MYH15: variants seen among roughly 807,000 people sequenced by gnomAD.
MYH15 encodes myosin heavy chain 15.
MYH15 carries 227 observed loss-of-function variants against 240.5 expected under a neutral mutation model. The observed-to-expected ratio is 0.94, with a 90% CI of 0.85 to 1.05. The LOEUF (loss-of-function observed/expected upper bound fraction) is 1.05, where lower values mean the gene tolerates loss of function less well. Ranked by LOEUF, MYH15 falls within the 50% of genes least tolerant of loss-of-function variation. The pLI is 0.00. For synonymous variants in MYH15, 785 were observed against 796.7 expected (o/e 0.99, Z 0.25); for missense variants, 2,217 against 2,247.5 (o/e 0.99, Z 0.27).
intron 25 of MYH15, among the ~76,000 whole-genome samples, chr3:108,433,669 G>C (rs968752749): frequency 6.6e-6 from 1 of 151,962 alleles, no homozygotes; most frequent in African/African-American, 2.4e-5. Flanking sequence ...GGTTTTATAA[G>C]GAGGAGTCCC....
chr3:108,513,593 T>C (rs754382143), upstream of MYH15, among the ~76,000 whole-genome samples: 1 of 152,138 alleles, frequency 6.6e-6, no homozygotes, highest in Non-Finnish European at 1.5e-5. Flanking sequence ...CTATTTTTTC[T>C]TACTGGGATT....
chr3:108,470,852 A>G lies in MYH15; in HGVS notation c.1234-5T>C. The G allele has an allele frequency of 6.2e-7, 1 of 1,612,836 alleles. No individual in the cohort carries two copies. The highest frequency in any genetic ancestry group is 8.5e-7 in the Non-Finnish European group (1 of 1,179,216). On this transcript the variant is annotated splice_polypyrimidine_tract_variant and splice_region_variant and intron_variant, in intron 12 of 40. Transcript: ENST00000693548. Reference sequence around the variant, plus strand: ...GGCACCGACAGCACAGGTTACCTAGAAATCACATTGAAAACACTCCTTCAT... The same window carrying G: ...GGCACCGACAGCACAGGTTACCTAGGAATCACATTGAAAACACTCCTTCAT...
In MYH15 at chr3:108,414,353, C is replaced by T; in HGVS notation, c.4024G>A (p.Glu1342Lys). 1 of 1,614,206 alleles carries T rather than the reference C, an allele frequency of 6.2e-7. No homozygotes were observed. The highest frequency in any genetic ancestry group is 8.5e-7 in the Non-Finnish European group (1 of 1,180,038). ...CDLLREQYEE[E>K]QEVKAELHRT... The stretch of plus-strand genomic sequence containing the variant: ...TGCAGCTCAGCCTTGACCTCTTGTT[C>T]TTCCTCATACTGCTCTCGTAGAAGG... Residue 1342 changes from glutamate to lysine, a missense_variant, in exon 30 of 41, where the codon GAA (glutamate) becomes AAA (lysine). Glu to Lys is a moderately conservative substitution (Grantham distance 56). Coordinates refer to ENST00000693548, the MANE Select transcript of MYH15 (RefSeq NM_014981.3).
chr3:108,463,360 G>C, intron 15 of MYH15, 117 bp from the exon 16 acceptor site: 1 of 1,133,084 alleles, frequency 8.8e-7, no homozygotes, highest in South Asian at 1.6e-5. Context: ...TGTTATCCAG[G>C]CTAGAATGCA....
chr3:108,434,767 G>T (rs2082817448), intron 25 of MYH15, among the ~76,000 whole-genome samples: 1 of 152,044 alleles, frequency 6.6e-6, no homozygotes, highest in Non-Finnish European at 1.5e-5. Context: ...CTCTAGAGTG[G>T]ACACTGAGCA....
chr3:108,550,477 G>A, the MYH15 span: 1 of 151,196 alleles, frequency 6.6e-6, no homozygotes, highest in Non-Finnish European at 1.5e-5. Flanking sequence ...AATTCTACAA[G>A]TTCTTAGATT....
intron 1 of MYH15, among the ~76,000 whole-genome samples, chr3:108,524,871 G>C (rs954617314): frequency 6.6e-6 from 1 of 151,916 alleles, no homozygotes; most frequent in Admixed American, 6.6e-5. Flanking sequence ...TCATTCCCCA[G>C]GTCAAGGCAT....
chr3:108,529,296 T>C (rs753518617), exon 1 of MYH15: 2 of 1,581,518 alleles, frequency 1.3e-6, no homozygotes, highest in Non-Finnish European at 1.7e-6. Flanking sequence ...GTAAATACAA[T>C]TAAAATGATC....
intron 25 of MYH15, among the ~76,000 whole-genome samples, chr3:108,434,951 G>A (rs80231869): frequency 0.013 from 1,927 of 152,130 alleles, 18 homozygotes; most frequent in Middle Eastern, 0.02. Context: ...GAATGCCCTC[G>A]TTTACTAGTA....
At chr3:108,519,674 C>T (rs1213700651) in intron 1 of MYH15, among the ~76,000 whole-genome samples, 3 of 152,100 alleles carry the variant, frequency 2.0e-5, no homozygotes, top group East Asian at 1.9e-4. Flanking sequence ...CCACAGTCAA[C>T]GGAATAAAGA....
intron 9 of MYH15, among the ~76,000 whole-genome samples, chr3:108,488,619 C>CT (rs2083323186): frequency 6.6e-6 from 1 of 152,138 alleles, no homozygotes; most frequent in Non-Finnish European, 1.5e-5. Context: ...AGATTTCCTT[C>CT]TTTTTTTAAA....
At position 108,487,625 on chromosome 3, in the gene MYH15, T is replaced by C. The variant is rs138638190; in HGVS notation, c.872-1099A>G. On this transcript the variant is annotated intron_variant, in intron 9 of 40. Transcript: ENST00000693548. ...TTAGTGGTTACTTAGGGACTGGGGCTGGGAAAGGAGGGCTCCAATGAGTGA... is the reference window on the plus strand; with the variant it reads ...TTAGTGGTTACTTAGGGACTGGGGCCGGGAAAGGAGGGCTCCAATGAGTGA... 6.9e-4 allele frequency among the ~76,000 whole-genome samples: 105 copies of C among 152,188 alleles called. 1 individual carries two copies. Among genetic ancestry groups the C allele is most frequent in the African/African-American group, 2.3e-3 (97 of 41,508 alleles).
intron 27 of MYH15, among the ~76,000 whole-genome samples, 190 bp from the exon 28 acceptor site, chr3:108,421,404 A>C (rs1428475432): frequency 6.6e-6 from 1 of 152,230 alleles, no homozygotes; most frequent in Non-Finnish European, 1.5e-5. Flanking sequence ...CTGGACCCCA[A>C]GAGGCCTAAA....
Position 108,485,072 on chromosome 3 carries a change from T to A in MYH15, c.1114+19A>T. On this transcript the variant is annotated intron_variant, in intron 11 of 40. Coordinates refer to ENST00000693548, the MANE Select transcript of MYH15 (RefSeq NM_014981.3). Reference sequence around the variant, plus strand: ...CCAGAGATTTGAAGTATATACCATATCTTCAAAGTAATTCTTACTTTCTGT... The same window carrying A: ...CCAGAGATTTGAAGTATATACCATAACTTCAAAGTAATTCTTACTTTCTGT... 6.2e-7 allele frequency: 1 copy of A among 1,612,574 alleles called. No individual in the cohort carries two copies. The highest frequency in any genetic ancestry group is 8.5e-7 in the Non-Finnish European group (1 of 1,178,932).
At position 108,405,673 on chromosome 3, in the gene MYH15, C is replaced by CT. The variant is rs571792645; in HGVS notation, c.4621-221dup. Among the ~76,000 whole-genome samples, 67 of 152,288 alleles carry CT rather than the reference C, an allele frequency of 4.4e-4. No homozygotes were observed. The Middle Eastern group carries it at 0.01, about 23-fold the overall frequency. ...ACATTCTTAGGTCTTTCAGCTGTAG[C>CT]TCCAGAACTAGAATTTTAAAGCCTA... On this transcript the variant is annotated intron_variant, in intron 32 of 40. Coordinates refer to ENST00000693548, the MANE Select transcript of MYH15 (RefSeq NM_014981.3).
At chr3:108,455,588 G>T in intron 20 of MYH15, 148 bp downstream of exon 20, 1 of 930,032 alleles carries the variant, frequency 1.1e-6, no homozygotes, top group Non-Finnish European at 1.6e-6. Context: ...CAGCACCGAA[G>T]TTTTCACCTT....
At chr3:108,408,236 G>T in intron 32 of MYH15, 44 bp downstream of exon 32, 2 of 1,583,450 alleles carry the variant, frequency 1.3e-6, no homozygotes, top group African/African-American at 2.7e-5. Flanking sequence ...CAGATCTTCT[G>T]CCTTGTCACA....
intron 13 of MYH15, 103 bp downstream of exon 13, chr3:108,470,595 T>C (rs538241183): frequency 1.8e-5 from 22 of 1,239,808 alleles, no homozygotes; most frequent in Middle Eastern, 2.0e-4. Flanking sequence ...AAGGTTTGCA[T>C]AGAATGATCC....
chr3:108,502,582 AAAT>A lies in MYH15; in HGVS notation c.196-730_196-728del, dbSNP rs1190818756. Among the ~76,000 whole-genome samples, 6 of 152,210 alleles carry A rather than the reference AAAT, an allele frequency of 3.9e-5. No homozygotes were observed. In the South Asian group the frequency reaches 1.2e-3, roughly 32 times the overall value. ...CCTATCACAATGCTTGGGATATAAT[AAAT>A]AATCAATAAATATTAATATATTGAT... On this transcript the variant is annotated intron_variant, in intron 2 of 40. Coordinates refer to ENST00000693548, the MANE Select transcript of MYH15 (RefSeq NM_014981.3).
Sources: allele counts gnomAD v4.1 joint callset (sites outside exome capture counted in the v4.1 genomes callset), GRCh38; gene constraint gnomAD v4.1.1; transcripts MANE v1.5; gene names NCBI Gene and HGNC (gene_info 2026-07-23, HGNC 2026-07-21).